The following RUNX1 variants were observed in gnomAD, a reference collection of about 807,000 sequenced individuals.
RUNX1 encodes RUNX family transcription factor 1.
Under a neutral mutation model 42.8 loss-of-function variants are expected in RUNX1, and 19 were observed. That is an observed-to-expected ratio of 0.44 (90% CI 0.31 to 0.65). The LOEUF (loss-of-function observed/expected upper bound fraction) is 0.65, where lower values mean the gene tolerates loss of function less well. Among genes scored for constraint, RUNX1 ranks in the 30% least tolerant of loss-of-function variants. The pLI, the probability that RUNX1 is intolerant of heterozygous loss-of-function variation, is 0.07. For synonymous variants in RUNX1, 271 were observed against 289.4 expected, an observed-to-expected ratio of 0.94 and a Z score of 0.64; for missense variants, 528 against 672.0, an observed-to-expected ratio of 0.79 and a Z score of 2.37.
intron 4 of RUNX1, among the ~76,000 whole-genome samples, chr21:34,881,434 C>A (rs1041804058): frequency 6.6e-6 from 1 of 152,014 alleles, no homozygotes; most frequent in African/African-American, 2.4e-5. Context: ...AATTCTAGCA[C>A]ACAAGAAAAA....
intron 2 of RUNX1, among the ~76,000 whole-genome samples, chr21:34,986,659 G>A (rs1315642606): frequency 6.6e-6 from 1 of 151,246 alleles, no homozygotes; most frequent in African/African-American, 2.4e-5. Flanking sequence ...TGCGAAGACA[G>A]AGGCAGAAAC....
intron 2 of RUNX1, among the ~76,000 whole-genome samples, chr21:34,979,694 G>A (rs1289879806): frequency 6.6e-6 from 1 of 152,220 alleles, no homozygotes; most frequent in African/African-American, 2.4e-5. Context: ...TATCTGGCAA[G>A]TCTATTTCAC....
intron 2 of RUNX1, among the ~76,000 whole-genome samples, chr21:34,974,269 C>T (rs2058783842): frequency 6.6e-6 from 1 of 152,106 alleles, no homozygotes; most frequent in Non-Finnish European, 1.5e-5. Context: ...GTCACCTCCA[C>T]ACAGGCTGGC....
At chr21:34,849,310 T>A (rs1601446502) in intron 6 of RUNX1, among the ~76,000 whole-genome samples, 1 of 36,168 alleles carries the variant, frequency 2.8e-5, no homozygotes, top group African/African-American at 1.0e-4. Context: ...ATATAATATA[T>A]ATTATATATA....
chr21:35,006,607 G>A (rs1000500631), intron 2 of RUNX1, among the ~76,000 whole-genome samples: 8 of 152,168 alleles, frequency 5.3e-5, no homozygotes, highest in African/African-American at 1.9e-4. Flanking sequence ...CCAGTATCCT[G>A]GTTGTTACAT....
intron 2 of RUNX1, among the ~76,000 whole-genome samples, chr21:35,005,439 C>A (rs531063297): frequency 1.3e-5 from 2 of 152,096 alleles, no homozygotes; most frequent in African/African-American, 2.4e-5. Flanking sequence ...CCATACCCCA[C>A]GAATAATTTA....
intron 7 of RUNX1, chr21:34,834,095 C>T (rs1398500400): frequency 3.5e-6 from 2 of 572,944 alleles, no homozygotes; most frequent in Non-Finnish European, 3.3e-6. Flanking sequence ...CCAAAGCTAA[C>T]TCTTAAAAAA....
chr21:34,861,924 C>T (rs899991262), intron 5 of RUNX1, among the ~76,000 whole-genome samples: 1 of 151,888 alleles, frequency 6.6e-6, no homozygotes, highest in African/African-American at 2.4e-5. Context: ...ACCTAGTCTC[C>T]CAGAAGGTGG....
intron 2 of RUNX1, 95 bp from the exon 3 acceptor site, chr21:34,893,058 C>T: frequency 1.4e-6 from 1 of 731,178 alleles, no homozygotes; most frequent in East Asian, 2.6e-5. Flanking sequence ...TTTCTTCTTA[C>T]ACTTTTTAGC....
intron 2 of RUNX1, among the ~76,000 whole-genome samples, chr21:34,994,772 T>C (rs1404978294): frequency 1.3e-5 from 2 of 152,230 alleles, no homozygotes; most frequent in African/African-American, 4.8e-5. Flanking sequence ...CATACACATA[T>C]ATGCAGACTT....
chr21:34,955,367 G>A (rs865865989), intron 2 of RUNX1, among the ~76,000 whole-genome samples: 4 of 152,102 alleles, frequency 2.6e-5, no homozygotes, highest in Non-Finnish European at 5.9e-5. Flanking sequence ...CATGGTAAGT[G>A]CTCCATATAT....
chr21:34,888,353 C>T lies in RUNX1; in HGVS notation c.98-1257G>A, dbSNP rs2058028222. ...ACATCCTGCCACGCACACTGCCACG[C>T]ACACGCAACTTCACGGCTCGCCTCG... On this transcript the variant is annotated intron_variant, in intron 3 of 8. Coordinates refer to ENST00000675419, the MANE Select transcript of RUNX1 (RefSeq NM_001754.5). 6.6e-6 allele frequency: 7 copies of T among 1,067,896 alleles called. No homozygotes were observed. In the East Asian group the frequency reaches 3.4e-4, roughly 52 times the overall value. 66.2% of individuals were successfully genotyped at this position (1,067,896 alleles called of 1,614,324 possible).
rs1741971195 is a variant in RUNX1 at position 34,792,311 on chromosome 21, G to C, written c.1267C>G (p.Arg423Gly). The change falls in exon 9 of 9, where the codon CGC (arginine) becomes GGC (glycine). Residue 423 changes from arginine to glycine, a missense_variant. Physicochemically the swap from Arg to Gly is moderately radical, Grantham distance 125. Coordinates refer to ENST00000675419, the MANE Select transcript of RUNX1 (RefSeq NM_001754.5). This position sits in a 1 kb window ranked among gnomAD's most constrained non-coding sequence, Gnocchi z 6.9. ...GGCGGCAGGATGCGCGGCGGCGAGC[G>C]CTCGCCGCCCACCATGGAGAACTGG... Reference protein sequence around the residue: ...SYQFSMVGGERSPPRILPPCT... With the variant: ...SYQFSMVGGEGSPPRILPPCT... The C allele has an allele frequency of 2.9e-5, 45 of 1,538,916 alleles. No homozygotes were observed. The highest frequency in any genetic ancestry group is 7.4e-5 in the East Asian group (3 of 40,430).
chr21:35,002,168 A>G (rs1409474866), intron 2 of RUNX1, among the ~76,000 whole-genome samples: 2 of 151,748 alleles, frequency 1.3e-5, no homozygotes, highest in African/African-American at 4.8e-5. Context: ...TGAAATGCTA[A>G]CTGGCTTTTT....
At chr21:34,835,525 G>A (rs2057133761) in intron 6 of RUNX1, among the ~76,000 whole-genome samples, 1 of 152,128 alleles carries the variant, frequency 6.6e-6, no homozygotes, top group Admixed American at 6.5e-5. Flanking sequence ...AGCAAGCAGA[G>A]GCCACTCATG....
In RUNX1 at chr21:34,889,761, GC is replaced by G. The variant is rs1569087900; in HGVS notation, c.98-2666del. ...ATTTTCGCGGAGCTCGGAGGGCCCCGCCCCCGGTCCGGCGTGCGCTGCCAAC... is the reference window on the plus strand; with the variant it reads ...ATTTTCGCGGAGCTCGGAGGGCCCCGCCCCGGTCCGGCGTGCGCTGCCAAC... On this transcript the variant is annotated intron_variant, in intron 3 of 8. Coordinates refer to ENST00000675419, the MANE Select transcript of RUNX1 (RefSeq NM_001754.5). The G allele has an allele frequency of 6.1e-6, 7 of 1,154,176 alleles. No individual in the cohort carries two copies. In the South Asian group the frequency reaches 6.6e-5, roughly 11 times the overall value. The allele number at this position is 1,154,176 out of a possible 1,614,324, so 71.5% of individuals were successfully genotyped here.
intron 2 of RUNX1, among the ~76,000 whole-genome samples, chr21:34,977,925 ATT>A (rs140996531): frequency 2.1e-5 from 3 of 145,020 alleles, no homozygotes; most frequent in Admixed American, 6.9e-5. Context: ...AGTAAACAGC[ATT>A]TTTTTTTTTT....
intron 6 of RUNX1, among the ~76,000 whole-genome samples, chr21:34,853,020 G>A (rs575565829): frequency 6.6e-5 from 10 of 152,264 alleles, no homozygotes; most frequent in African/African-American, 1.9e-4. Context: ...GGCCCTCCAC[G>A]AAACCCTTTG....
intron 2 of RUNX1, among the ~76,000 whole-genome samples, chr21:34,958,076 G>C (rs1225724525): frequency 6.6e-6 from 1 of 152,122 alleles, no homozygotes; most frequent in Non-Finnish European, 1.5e-5. Context: ...GGGGCACTCA[G>C]AAGAATTACA....
Sources: allele counts gnomAD v4.1 joint callset (sites outside exome capture counted in the v4.1 genomes callset), GRCh38; gene constraint gnomAD v4.1.1; non-coding constraint Gnocchi (gnomAD v3.1); transcripts MANE v1.5; gene names NCBI Gene and HGNC (gene_info 2026-07-23, HGNC 2026-07-21).